The following EYS variants were observed in gnomAD, a reference collection of about 807,000 sequenced individuals.
EYS encodes protein eyes shut homolog.
EYS carries 250 observed loss-of-function variants against 282.1 expected under a neutral mutation model. The observed-to-expected ratio is 0.89, with a 90% CI of 0.80 to 0.98. The LOEUF is 0.98. EYS is among the 50% of genes least tolerant of loss of function. The pLI, the probability that EYS is intolerant of heterozygous loss-of-function variation, is 0.00. For missense variants in EYS, 4,016 were observed against 3,709.0 expected, an observed-to-expected ratio of 1.08 and a Z score of -2.15; for synonymous variants, 1,355 against 1,282.9, an observed-to-expected ratio of 1.06 and a Z score of -1.20.
chr6:64,293,829 A>G (rs1768802377), intron 30 of EYS, among the ~76,000 whole-genome samples: 1 of 152,088 alleles, frequency 6.6e-6, no homozygotes, highest in East Asian at 1.9e-4. Context: ...AAGGCTATTC[A>G]GAGAGTCATT....
chr6:64,405,165 C>T (rs1249726190), intron 28 of EYS, among the ~76,000 whole-genome samples: 1 of 152,068 alleles, frequency 6.6e-6, no homozygotes, highest in Non-Finnish European at 1.5e-5. Context: ...GCCCCAGTGT[C>T]ACATTCAGTT....
In EYS at chr6:64,081,973, C is replaced by T. The variant is rs1771988492; in HGVS notation, c.6454G>A (p.Gly2152Arg). Residue 2152 changes from glycine (G) to arginine (R), a missense_variant, in exon 32 of 43, where the codon GGG becomes AGG. Coordinates refer to ENST00000503581, the MANE Select transcript of EYS (RefSeq NM_001142800.2). ...DAGLFFPSFN[G>R]NSYLELPFLK... is the part of the protein sequence containing the mutation. ...AAGGGCAGTTCTAAATAGGAATTCC[C>T]ATTGAAAGATGGAAAGAATAAACCT... 6 of 1,543,642 alleles carry T rather than the reference C, an allele frequency of 3.9e-6. No individual in the cohort carries two copies. The highest frequency in any genetic ancestry group is 5.3e-6 in the Non-Finnish European group (6 of 1,140,606).
At chr6:65,053,190 G>T (rs1266241961) in intron 13 of EYS, among the ~76,000 whole-genome samples, 2 of 151,604 alleles carry the variant, frequency 1.3e-5, no homozygotes, top group Admixed American at 6.6e-5. Context: ...GCTTTAAAAA[G>T]TTATAACTGG....
At chr6:64,409,185 C>A (rs148952516) in intron 28 of EYS, among the ~76,000 whole-genome samples, 385 of 152,252 alleles carry the variant, frequency 2.5e-3, no homozygotes, top group East Asian at 0.011. Context: ...CTTTCTTTAT[C>A]CAGTCCACTA....
intron 35 of EYS, among the ~76,000 whole-genome samples, chr6:63,931,035 A>G (rs2149751036): frequency 6.6e-6 from 1 of 152,356 alleles, no homozygotes; most frequent in East Asian, 1.9e-4. Context: ...ATATTTGAAG[A>G]GTGAAAGGGC....
intron 22 of EYS, among the ~76,000 whole-genome samples, chr6:64,787,253 A>G (rs980083948): frequency 6.6e-6 from 1 of 152,048 alleles, no homozygotes; most frequent in Non-Finnish European, 1.5e-5. Context: ...TATCACTTGC[A>G]TTTTCAGAAA....
intron 26 of EYS, among the ~76,000 whole-genome samples, chr6:64,461,792 C>G (rs1161940909): frequency 6.6e-6 from 1 of 151,880 alleles, no homozygotes; most frequent in Non-Finnish European, 1.5e-5. Context: ...GATAATATGT[C>G]TATATAAAAA....
At chr6:65,582,835 C>T (rs1764915351) in intron 2 of EYS, among the ~76,000 whole-genome samples, 1 of 151,974 alleles carries the variant, frequency 6.6e-6, no homozygotes. Flanking sequence ...TTATAATTAT[C>T]CCTATTTTAT....
intron 13 of EYS, among the ~76,000 whole-genome samples, chr6:65,009,604 T>C (rs1456579767): frequency 2.0e-5 from 3 of 152,148 alleles, no homozygotes; most frequent in African/African-American, 7.2e-5. Context: ...ATAGCCCCCA[T>C]CTATTAGGCA....
At chr6:65,271,128 T>TATATATATATATATATATATATA (rs1554174612) in intron 12 of EYS, among the ~76,000 whole-genome samples, 1 of 55,788 alleles carries the variant, frequency 1.8e-5, no homozygotes, top group Non-Finnish European at 3.7e-5. Context: ...AATCAATAGA[T>TATATATATATATATATATATATA]TATATATATA....
chr6:64,031,125 G>C (rs1653955346), intron 33 of EYS, among the ~76,000 whole-genome samples: 1 of 152,246 alleles, frequency 6.6e-6, no homozygotes, highest in African/African-American at 2.4e-5. Flanking sequence ...CAAGGCCGGA[G>C]CTGGCTCCCT....
intron 12 of EYS, among the ~76,000 whole-genome samples, chr6:65,265,288 T>C (rs1257858928): frequency 6.6e-6 from 1 of 152,114 alleles, no homozygotes; most frequent in African/African-American, 2.4e-5. Context: ...AATTTGTTTT[T>C]CCTTTGTTAT....
At chr6:65,118,008 A>G (rs1775429328) in intron 12 of EYS, among the ~76,000 whole-genome samples, 1 of 152,192 alleles carries the variant, frequency 6.6e-6, no homozygotes, top group Non-Finnish European at 1.5e-5. Context: ...TACAAGAGAT[A>G]AATAAAACTG....
At chr6:65,023,000 G>C (rs1374200867) in intron 13 of EYS, among the ~76,000 whole-genome samples, 1 of 152,032 alleles carries the variant, frequency 6.6e-6, no homozygotes, top group African/African-American at 2.4e-5. Context: ...TATAAAGAAA[G>C]AAAGTTGATC....
intron 22 of EYS, among the ~76,000 whole-genome samples, chr6:64,787,248 C>T (rs1774051390): frequency 6.6e-6 from 1 of 152,092 alleles, no homozygotes; most frequent in Admixed American, 6.5e-5. Flanking sequence ...AGTTTTATCA[C>T]TTGCATTTTC....
intron 31 of EYS, among the ~76,000 whole-genome samples, chr6:64,149,819 C>T (rs1774641185): frequency 6.6e-6 from 1 of 152,198 alleles, no homozygotes; most frequent in African/African-American, 2.4e-5. Flanking sequence ...TCACAGATCA[C>T]CTTGTCTCTT....
intron 26 of EYS, among the ~76,000 whole-genome samples, chr6:64,536,304 G>C (rs183359458): frequency 6.6e-6 from 1 of 152,162 alleles, no homozygotes; most frequent in East Asian, 1.9e-4. Context: ...TGGAACAAAA[G>C]GGGAAAATAA....
intron 19 of EYS, among the ~76,000 whole-genome samples, chr6:64,865,340 G>T (rs1003524693): frequency 7.9e-5 from 12 of 152,088 alleles, no homozygotes; most frequent in African/African-American, 2.9e-4. Context: ...AGTTTATAAA[G>T]AGGAAGGACT....
intron 29 of EYS, among the ~76,000 whole-genome samples, chr6:64,325,268 C>G (rs1198551561): frequency 6.6e-6 from 1 of 152,150 alleles, no homozygotes; most frequent in Non-Finnish European, 1.5e-5. Context: ...AGACAACCCC[C>G]TGGAGCCGGG....
Sources: allele counts gnomAD v4.1 joint callset (sites outside exome capture counted in the v4.1 genomes callset), GRCh38; gene constraint gnomAD v4.1.1; transcripts MANE v1.5; gene names NCBI Gene and HGNC (gene_info 2026-07-23, HGNC 2026-07-21).